The following LY6S variants were observed in gnomAD, a reference collection of about 807,000 sequenced individuals.
The protein encoded by LY6S is lymphocyte antigen 6 family member S.
the LY6S span, among the ~76,000 whole-genome samples, chr8:143,068,515 C>T: frequency 6.6e-6 from 1 of 152,118 alleles, no homozygotes; most frequent in Admixed American, 6.6e-5. Flanking sequence ...TCCCGAGAAG[C>T]CAAGCAGATG....
chr8:143,056,766 G>A, the LY6S span, among the ~76,000 whole-genome samples: 1 of 152,066 alleles, frequency 6.6e-6, no homozygotes, highest in Non-Finnish European at 1.5e-5. Flanking sequence ...AACAAAAAGT[G>A]AGATTACTAC....
the LY6S span, chr8:143,057,254 TTA>T: frequency 5.4e-4 from 93 of 173,714 alleles, 1 homozygote; most frequent in African/African-American, 2.5e-3. Context: ...ATTATTATTT[TTA>T]TTTTTTTTTT....
chr8:143,063,397 C>T, the LY6S span, among the ~76,000 whole-genome samples: 126 of 152,332 alleles, frequency 8.3e-4, no homozygotes, highest in African/African-American at 3.0e-3. Flanking sequence ...ATGCTGAATG[C>T]AGCTCCCAAT....
the LY6S span, among the ~76,000 whole-genome samples, chr8:143,067,870 G>A: frequency 9.2e-5 from 14 of 152,278 alleles, no homozygotes; most frequent in Middle Eastern, 3.4e-3. Context: ...AGCATATCTC[G>A]CCTCCAGCCA....
the LY6S span, chr8:143,065,809 T>C: frequency 6.7e-6 from 1 of 149,444 alleles, no homozygotes; most frequent in African/African-American, 2.5e-5. Flanking sequence ...CTTTCTTTCT[T>C]TCTTTCTTTC....
At chr8:143,068,954 C>T in the LY6S span, among the ~76,000 whole-genome samples, 2 of 152,106 alleles carry the variant, frequency 1.3e-5, no homozygotes, top group African/African-American at 2.4e-5. Context: ...AGGGGGACCC[C>T]AAGGGTCCTG....
At chr8:143,058,791 G>A in the LY6S span, among the ~76,000 whole-genome samples, 11 of 152,184 alleles carry the variant, frequency 7.2e-5, no homozygotes, top group African/African-American at 1.7e-4. Context: ...CCTGGCAACC[G>A]GCGTCTTCCC....
chr8:143,070,476 A>AATAT, the LY6S span, among the ~76,000 whole-genome samples: 37 of 76,886 alleles, frequency 4.8e-4, no homozygotes, highest in South Asian at 7.3e-4. Context: ...TATATATATA[A>AATAT]ATATATATAT....
At chr8:143,052,850 C>T in the LY6S span, among the ~76,000 whole-genome samples, 1 of 152,166 alleles carries the variant, frequency 6.6e-6, no homozygotes, top group African/African-American at 2.4e-5. Context: ...AAACGGTCCC[C>T]AAAGCGAAAA....
chr8:143,041,000 A>G, the LY6S span, among the ~76,000 whole-genome samples: 1 of 152,196 alleles, frequency 6.6e-6, no homozygotes, highest in South Asian at 2.1e-4. Flanking sequence ...TCACAAGGTA[A>G]TAAGATATCA....
chr8:143,060,794 G>A, the LY6S span, among the ~76,000 whole-genome samples: 4 of 152,186 alleles, frequency 2.6e-5, no homozygotes, highest in African/African-American at 9.7e-5. Flanking sequence ...CACAGGTCCT[G>A]TAGGGCTGGA....
At chr8:143,069,390 A>G in the LY6S span, among the ~76,000 whole-genome samples, 2 of 151,986 alleles carry the variant, frequency 1.3e-5, no homozygotes, top group Non-Finnish European at 1.5e-5. Context: ...TCCCTTTCTC[A>G]CCGTAAATAC....
chr8:143,057,930 G>T, the LY6S span: 1 of 575,210 alleles, frequency 1.7e-6, no homozygotes, highest in Admixed American at 2.8e-5. Flanking sequence ...CACGGTGCGG[G>T]TGGTCTCAGC....
chr8:143,062,712 A>G, the LY6S span, among the ~76,000 whole-genome samples: 2 of 152,174 alleles, frequency 1.3e-5, no homozygotes, highest in Non-Finnish European at 2.9e-5. Flanking sequence ...ATGGAGATCT[A>G]TATAAGGAAG....
At chr8:143,044,298 C>T in the LY6S span, 2 of 451,930 alleles carry the variant, frequency 4.4e-6, no homozygotes, top group South Asian at 3.1e-5. Context: ...AGAGTAGCTA[C>T]AGCAGCTGGC....
the LY6S span, among the ~76,000 whole-genome samples, chr8:143,048,859 G>A: frequency 3.9e-5 from 6 of 152,240 alleles, no homozygotes; most frequent in South Asian, 6.2e-4. Flanking sequence ...TTCAACTGGC[G>A]TTCTTTGCTG....
the LY6S span, among the ~76,000 whole-genome samples, chr8:143,041,391 C>T: frequency 4.6e-5 from 7 of 152,208 alleles, no homozygotes; most frequent in Non-Finnish European, 8.8e-5. Context: ...CTCTGTTTCA[C>T]CTGGCTCACA....
chr8:143,055,985 C>A, the LY6S span, among the ~76,000 whole-genome samples: 1 of 151,938 alleles, frequency 6.6e-6, no homozygotes, highest in South Asian at 2.1e-4. Context: ...TAACCTGTCA[C>A]ATAAATTCTT....
At chr8:143,071,381 A>G in the LY6S span, among the ~76,000 whole-genome samples, 25 of 152,182 alleles carry the variant, frequency 1.6e-4, no homozygotes, top group African/African-American at 4.8e-4. Context: ...ATTCTGCAAC[A>G]TTGTAATGGT....
Sources: gnomAD v4.1 joint callset for allele counts (sites outside exome capture counted in the v4.1 genomes callset) on GRCh38, gnomAD v4.1.1 for gene constraint, MANE v1.5 for transcripts, NCBI Gene and HGNC (gene_info 2026-07-23, HGNC 2026-07-21) for gene names.